The following GON4L variants were observed in gnomAD, a reference collection of about 807,000 sequenced individuals.
GON4L encodes the protein gon-4 like.
In GON4L, 87 loss-of-function variants were observed where a neutral mutation model predicts 211.8. The observed-to-expected ratio is 0.41, with a 90% confidence interval of 0.35 to 0.49. The LOEUF is 0.49. GON4L is among the 20% of genes least tolerant of loss of function. The pLI is 0.15. For missense variants in GON4L, 2,155 were observed against 2,659.5 expected, an observed-to-expected ratio of 0.81 and a Z score of 4.17; for synonymous variants, 875 against 962.6, an observed-to-expected ratio of 0.91 and a Z score of 1.68.
At chr1:155,759,284 T>A (rs917551813) in intron 24 of GON4L, among the ~76,000 whole-genome samples, 23 of 152,062 alleles carry the variant, frequency 1.5e-4, no homozygotes, top group African/African-American at 5.1e-4. Flanking sequence ...TTTAAAAAAA[T>A]TTTTTGGCCA....
chr1:155,745,738 T>C (rs682020), downstream of GON4L: 1 of 1,085,856 alleles, frequency 9.2e-7, no homozygotes, highest in Non-Finnish European at 1.3e-6. Context: ...AAGTCGCCAG[T>C]ATAACACCCG....
intron 7 of GON4L, 95 bp from the exon 8 acceptor site, chr1:155,815,995 A>T (rs1292887031): frequency 3.7e-6 from 3 of 800,062 alleles, no homozygotes; most frequent in Admixed American, 4.1e-5. Flanking sequence ...GAAAAAAAAA[A>T]AATCCTAAGA....
intron 27 of GON4L, chr1:155,756,698 G>A (rs1422678060): frequency 1.0e-5 from 4 of 397,460 alleles, no homozygotes; most frequent in African/African-American, 6.1e-5. Flanking sequence ...GCCGAGGCGG[G>A]TGGATCACTT....
rs1352994121 is a variant in GON4L, at chr1:155,779,231, G to A, written c.1893-1411C>T. ...ATCCCGCCACTGCACTCCAGCCTGG[G>A]CGACAGAGCAAGACTCTGTCTCAAA... is the stretch of plus-strand genomic sequence containing the variant. On this transcript the variant is annotated intron_variant, in intron 14 of 31. Transcript: ENST00000368331. Among the ~76,000 whole-genome samples the A allele has an allele frequency of 4.3e-5, 6 of 139,834 alleles. No homozygotes were observed. The East Asian group carries it at 1.3e-3, about 30-fold the overall frequency. 91.7% of individuals were successfully genotyped at this position (139,834 alleles called of 152,430 possible). A position where few individuals can be genotyped will look rare whatever the true frequency, so the allele number is the denominator to read the frequency against.
chr1:155,856,493 C>T (rs577162501), intron 1 of GON4L, among the ~76,000 whole-genome samples: 208 of 152,010 alleles, frequency 1.4e-3, no homozygotes, highest in Non-Finnish European at 2.5e-3. Flanking sequence ...GCCCCAGCCT[C>T]CCAAAGTGCT....
chr1:155,784,376 TTTTTTTTTTTTTTTTTTTTG>T (rs1664732567), intron 13 of GON4L: 1 of 301,028 alleles, frequency 3.3e-6, no homozygotes, highest in Non-Finnish European at 6.0e-6. Context: ...TTTTTTTTTT[TTTTTTTTTTTTTTTTTTTTG>T]AGACAGAGTC....
At chr1:155,782,982 T>C (rs897693381) in intron 14 of GON4L, among the ~76,000 whole-genome samples, 1 of 152,088 alleles carries the variant, frequency 6.6e-6, no homozygotes, top group African/African-American at 2.4e-5. Context: ...TTTTAAGAAG[T>C]TACAAAGAGT....
At position 155,754,438 on chromosome 1, in the gene GON4L, T is replaced by C; in HGVS notation, c.5568A>G (p.Glu1856=). ...GAKDCACSCH[E]GGPDSKLKKS... ...TCTTCAGCTTGGAATCTGGACCTCCTTCATGGCAGGAGCAGGCACAGTCCT... is the reference window on the plus strand; with the variant it reads ...TCTTCAGCTTGGAATCTGGACCTCCCTCATGGCAGGAGCAGGCACAGTCCT... Residue 1856 remains glutamate (E), a synonymous_variant, in exon 28 of 32, where the codon GAA becomes GAG. Transcript: ENST00000368331. 1 of 1,613,556 alleles carries C rather than the reference T, an allele frequency of 6.2e-7. No homozygotes were observed. The highest frequency in any genetic ancestry group is 1.1e-5 in the South Asian group (1 of 91,078).
intron 10 of GON4L, among the ~76,000 whole-genome samples, chr1:155,811,026 T>TA (rs1301920121): frequency 2.6e-5 from 4 of 151,250 alleles, no homozygotes; most frequent in African/African-American, 9.7e-5. Context: ...ATCCAAAAAA[T>TA]AAAAAATTAC....
At chr1:155,769,069 T>C (rs978321993) in intron 19 of GON4L, among the ~76,000 whole-genome samples, 3 of 152,080 alleles carry the variant, frequency 2.0e-5, no homozygotes, top group African/African-American at 7.2e-5. Flanking sequence ...TCTGTCTCCC[T>C]AGTTCAAGTG....
chr1:155,785,732 C>A (rs773591022), intron 12 of GON4L, among the ~76,000 whole-genome samples: 1 of 152,160 alleles, frequency 6.6e-6, no homozygotes, highest in African/African-American at 2.4e-5. Context: ...CAGCCCAACT[C>A]GGCCTCCCAA....
At chr1:155,816,098 A>G in intron 7 of GON4L, 114 bp downstream of exon 7, 1 of 710,520 alleles carries the variant, frequency 1.4e-6, no homozygotes, top group African/African-American at 1.8e-5. Flanking sequence ...GGAAAAAAAC[A>G]AAGCTGGAAT....
intron 11 of GON4L, among the ~76,000 whole-genome samples, chr1:155,799,403 C>T (rs1308274080): frequency 3.9e-5 from 6 of 152,136 alleles, no homozygotes; most frequent in Admixed American, 1.3e-4. Context: ...CATTGTACTC[C>T]AGCCTGGGTG....
At chr1:155,760,673 CT>C in intron 23 of GON4L, 32 bp from the exon 24 acceptor site, 1 of 1,467,388 alleles carries the variant, frequency 6.8e-7, no homozygotes. Context: ...CATCAACACC[CT>C]TTATTTGGGC....
intron 11 of GON4L, among the ~76,000 whole-genome samples, chr1:155,796,841 A>G (rs1337223018): frequency 6.6e-6 from 1 of 151,956 alleles, no homozygotes; most frequent in Non-Finnish European, 1.5e-5. Flanking sequence ...AAAAAAAAAG[A>G]CCAAAAAGAG....
intron 6 of GON4L, among the ~76,000 whole-genome samples, chr1:155,817,660 TC>T (rs1051321093): frequency 3.9e-4 from 59 of 152,156 alleles, no homozygotes; most frequent in African/African-American, 1.3e-3. Flanking sequence ...ATGCCTGTAA[TC>T]CCCCCATGTT....
chr1:155,828,701 A>C (rs1338764990), intron 2 of GON4L, among the ~76,000 whole-genome samples: 1 of 149,588 alleles, frequency 6.7e-6, no homozygotes, highest in Non-Finnish European at 1.5e-5. Flanking sequence ...TCAGCTACTT[A>C]GGATGCTGAG....
intron 16 of GON4L, 119 bp downstream of exon 16, chr1:155,776,276 A>T: frequency 1.2e-6 from 1 of 829,370 alleles, no homozygotes; most frequent in Non-Finnish European, 2.0e-6. Context: ...CAGGCAAAAC[A>T]ATCAAAAATA....
At chr1:155,814,287 A>T in intron 9 of GON4L, 43 bp downstream of exon 9, 1 of 1,561,816 alleles carries the variant, frequency 6.4e-7, no homozygotes, top group Non-Finnish European at 8.8e-7. Flanking sequence ...AAATCTACTT[A>T]GACAGTTATG....
Sources: allele counts gnomAD v4.1 joint callset (sites outside exome capture counted in the v4.1 genomes callset), GRCh38; gene constraint gnomAD v4.1.1; transcripts MANE v1.5; gene names NCBI Gene and HGNC (gene_info 2026-07-23, HGNC 2026-07-21).